UBE4B: variants seen among roughly 807,000 people sequenced by gnomAD.
UBE4B encodes the protein ubiquitination factor E4B.
UBE4B carries 27 observed loss-of-function variants against 148.1 expected under a neutral mutation model. That is an observed-to-expected ratio of 0.18 (90% CI 0.13 to 0.25). The LOEUF is 0.25. Ranked by LOEUF, UBE4B falls within the 10% of genes least tolerant of loss-of-function variation. The probability of loss-of-function intolerance (pLI) is 1.00; values close to 1 mark genes in which losing one functional copy is unlikely to be tolerated. For synonymous variants in UBE4B, 596 were observed against 619.3 expected (o/e 0.96, Z 0.56); for missense variants, 1,170 against 1,662.4 (o/e 0.70, Z 5.15).
intron 7 of UBE4B, among the ~76,000 whole-genome samples, chr1:10,109,752 G>A (rs1240462514): frequency 1.3e-5 from 2 of 152,090 alleles, no homozygotes; most frequent in East Asian, 3.9e-4. Context: ...CTGGGTTTAA[G>A]CAATTCTCGT....
chr1:10,052,252 T>G (rs920730973), intron 1 of UBE4B, among the ~76,000 whole-genome samples: 3 of 151,922 alleles, frequency 2.0e-5, no homozygotes, highest in African/African-American at 7.3e-5. Flanking sequence ...TTTTTTTTTT[T>G]GTAGAGACAG....
At chr1:10,151,216 C>A in intron 20 of UBE4B, 110 bp from the exon 21 acceptor site, 1 of 966,882 alleles carries the variant, frequency 1.0e-6, no homozygotes, top group East Asian at 2.4e-5. Flanking sequence ...ACTCCCAAAC[C>A]TACTTATCCT....
intron 1 of UBE4B, 32 bp from the exon 2 acceptor site, chr1:10,071,996 T>C: frequency 6.5e-7 from 1 of 1,540,032 alleles, no homozygotes; most frequent in Non-Finnish European, 8.7e-7. Context: ...TGCTGATTAG[T>C]TATAGAATGC....
chr1:10,129,306 G>A, intron 11 of UBE4B, 86 bp from the exon 12 acceptor site: 3 of 1,283,760 alleles, frequency 2.3e-6, no homozygotes, highest in Admixed American at 1.7e-5. Flanking sequence ...CGAATTTATA[G>A]CAGCAGTTAA....
At chr1:10,088,343 A>G (rs1360184602) in intron 2 of UBE4B, among the ~76,000 whole-genome samples, 2 of 152,156 alleles carry the variant, frequency 1.3e-5, no homozygotes, top group Non-Finnish European at 2.9e-5. Context: ...TGTTCTTCAC[A>G]GACTTGAAAT....
chr1:10,140,643 C>T (rs578083967), intron 17 of UBE4B, among the ~76,000 whole-genome samples: 2 of 152,176 alleles, frequency 1.3e-5, no homozygotes, highest in South Asian at 2.1e-4. Context: ...TCAATGGAAC[C>T]ATCTAGAACC....
chr1:10,076,898 C>T (rs762224164), intron 2 of UBE4B, among the ~76,000 whole-genome samples: 32 of 151,340 alleles, frequency 2.1e-4, no homozygotes, highest in Non-Finnish European at 4.1e-4. Flanking sequence ...AGGCGCCTGC[C>T]ACCACGCCTG....
chr1:10,116,887 A>G (rs1288877882), intron 7 of UBE4B, among the ~76,000 whole-genome samples: 3 of 152,194 alleles, frequency 2.0e-5, no homozygotes, highest in Admixed American at 6.5e-5. Flanking sequence ...GTCTTTTACT[A>G]TACTACTTTA....
intron 1 of UBE4B, among the ~76,000 whole-genome samples, chr1:10,040,490 A>G (rs186136420): frequency 3.3e-4 from 50 of 152,102 alleles, no homozygotes; most frequent in African/African-American, 1.1e-3. Context: ...GGCTCAAGTG[A>G]TCTGCCCACC....
intron 1 of UBE4B, among the ~76,000 whole-genome samples, chr1:10,062,822 G>A (rs1644311748): frequency 6.6e-6 from 1 of 151,860 alleles, no homozygotes; most frequent in South Asian, 2.1e-4. Context: ...CGGGTGTGGT[G>A]GCACATGCCT....
chr1:10,111,044 G>GACACACACACACACACACACACAC (rs55936075), intron 7 of UBE4B, among the ~76,000 whole-genome samples: 3 of 113,444 alleles, frequency 2.6e-5, no homozygotes, highest in African/African-American at 9.7e-5. Context: ...CTCTGTCTCT[G>GACACACACACACACACACACACAC]ACACACACAC....
At chr1:10,049,197 T>C (rs1643976954) in intron 1 of UBE4B, among the ~76,000 whole-genome samples, 1 of 152,230 alleles carries the variant, frequency 6.6e-6, no homozygotes, top group Admixed American at 6.5e-5. Context: ...CAAATATTTT[T>C]GGGCTTTGTG....
At chr1:10,065,350 T>C (rs1310682861) in intron 1 of UBE4B, among the ~76,000 whole-genome samples, 4 of 151,986 alleles carry the variant, frequency 2.6e-5, no homozygotes, top group Non-Finnish European at 4.4e-5. Context: ...GGGAGGAGCA[T>C]GCGGGGGAGG....
At chr1:10,071,884 G>A in intron 1 of UBE4B, 144 bp from the exon 2 acceptor site, 1 of 787,840 alleles carries the variant, frequency 1.3e-6, no homozygotes, top group Non-Finnish European at 1.9e-6. Context: ...TACTGGTAGA[G>A]CGAGTTATTC....
chr1:10,076,471 T>TCA (rs1644584098), intron 2 of UBE4B, among the ~76,000 whole-genome samples: 1 of 152,060 alleles, frequency 6.6e-6, no homozygotes, highest in Non-Finnish European at 1.5e-5. Flanking sequence ...CTCGAACTCC[T>TCA]GACCTCAGGT....
At chr1:10,080,453 C>A (rs1171355447) in intron 2 of UBE4B, among the ~76,000 whole-genome samples, 1 of 151,602 alleles carries the variant, frequency 6.6e-6, no homozygotes, top group African/African-American at 2.4e-5. Flanking sequence ...AAAGAAAATT[C>A]TATGTTGGTG....
intron 18 of UBE4B, among the ~76,000 whole-genome samples, chr1:10,146,028 C>A (rs1645865077): frequency 6.6e-6 from 1 of 152,092 alleles, no homozygotes; most frequent in African/African-American, 2.4e-5. Flanking sequence ...CTTTCTAGTA[C>A]CAGTTAAGAT....
Position 10,161,610 on chromosome 1 carries a change from C to G in UBE4B, c.3198+324C>G, listed in dbSNP as rs1456350529. ...ATGAACATAATTAGGAAAGAAATCT[C>G]TAGAATTATGTCTGCTGGACAAGAA... On this transcript the variant is annotated intron_variant, in intron 23 of 27. Coordinates refer to ENST00000343090, the MANE Select transcript of UBE4B (RefSeq NM_001105562.3). This position sits in a 1 kb window ranked among gnomAD's most constrained non-coding sequence, Gnocchi z 4.1. Among the ~76,000 whole-genome samples, 1 of 152,134 alleles carries G rather than the reference C, an allele frequency of 6.6e-6. No homozygotes were observed. The highest frequency in any genetic ancestry group is 6.6e-5 in the Admixed American group (1 of 15,250).
rs145856144 is a variant in UBE4B, at chr1:10,131,347, C to G, written c.1911+534C>G. Among the ~76,000 whole-genome samples, 846 of 152,052 alleles carry G rather than the reference C, an allele frequency of 5.6e-3. 12 individuals carry two copies. The highest frequency in any genetic ancestry group is 0.02 in the African/African-American group (817 of 41,486). ...CAAAAATTAGCCAGGCATGGCAGCG[C>G]GTGCCTGTAATCCCAGCTACCTAGC... On this transcript the variant is annotated intron_variant, in intron 14 of 27. Transcript: ENST00000343090.
Sources: gnomAD v4.1 joint callset for allele counts (sites outside exome capture counted in the v4.1 genomes callset) on GRCh38, gnomAD v4.1.1 for gene constraint, Gnocchi (gnomAD v3.1) non-coding constraint, MANE v1.5 for transcripts, NCBI Gene and HGNC (gene_info 2026-07-23, HGNC 2026-07-21) for gene names.